The following KLRD1 variants were observed in gnomAD, a reference collection of about 807,000 sequenced individuals.
KLRD1 encodes the protein natural killer cells antigen CD94.
Under a neutral mutation model 22.6 loss-of-function variants are expected in KLRD1, and 21 were observed. That is an observed-to-expected ratio of 0.93 (90% CI 0.66 to 1.34). The LOEUF (loss-of-function observed/expected upper bound fraction) is 1.34. KLRD1 is among the 40% of genes most tolerant of loss of function. The pLI, the probability that KLRD1 is intolerant of heterozygous loss-of-function variation, is 0.00. For missense variants in KLRD1, 183 were observed against 208.6 expected (o/e 0.88, Z 0.76); for synonymous variants, 59 against 71.1 (o/e 0.83, Z 0.85).
chr12:10,265,461 A>T (rs914735275), intron 1 of KLRD1, among the ~76,000 whole-genome samples: 9 of 152,212 alleles, frequency 5.9e-5, no homozygotes, highest in Non-Finnish European at 1.2e-4. Context: ...ATCCATTAGA[A>T]TCTTAGGCCA....
rs1486642886 is a variant in KLRD1, at chr12:10,308,059, T to C, written c.-19T>C. ...ACACATCGTGCCTTCTCTACTTCGC[T>C]CTTGGAACATAATTTCTCATGGCAG... On this transcript the variant is annotated 5_prime_UTR_variant, in exon 1 of 6. Transcript: ENST00000336164. 3 of 1,610,870 alleles carry C rather than the reference T, an allele frequency of 1.9e-6. No individual in the cohort carries two copies. The highest frequency in any genetic ancestry group is 1.7e-5 in the Admixed American group (1 of 60,012).
At chr12:10,314,594 T>A in intron 5 of KLRD1, 79 bp from the exon 6 acceptor site, 2 of 1,329,272 alleles carry the variant, frequency 1.5e-6, no homozygotes, top group Non-Finnish European at 1.0e-6. Flanking sequence ...CTTTTAAAAT[T>A]TATATCATTT....
At position 10,329,283 on chromosome 12, in the gene KLRD1, AT is replaced by A. The variant is rs941853360; in HGVS notation, c.*14491del. On this transcript the variant is annotated 3_prime_UTR_variant, in exon 6 of 6. Transcript: ENST00000336164. ...TTCTTTGCAGATTGGTTGTTCAAAA[AT>A]GTATTGTTAAATTATCACATATTTA... The A allele has an allele frequency of 3.3e-5, 5 of 152,182 alleles. No homozygotes were observed. Among genetic ancestry groups the A allele is most frequent in the African/African-American group, 1.2e-4 (5 of 41,438 alleles). The allele number at this position is 152,182 out of a possible 1,614,324, so 9.4% of individuals were successfully genotyped here. A position where few individuals can be genotyped will look rare whatever the true frequency, so the allele number is the denominator to read the frequency against.
At chr12:10,297,386 G>C (rs1044439263) in intron 1 of KLRD1, among the ~76,000 whole-genome samples, 2 of 152,028 alleles carry the variant, frequency 1.3e-5, no homozygotes, top group African/African-American at 4.8e-5. Flanking sequence ...ACCTCTAGAA[G>C]ATAGTTAAAT....
At chr12:10,239,523 CTTT>C (rs1171011701) in intron 1 of KLRD1, among the ~76,000 whole-genome samples, 3 of 13,904 alleles carry the variant, frequency 2.2e-4, no homozygotes, top group African/African-American at 4.1e-4. Context: ...CCTCCCCTTT[CTTT>C]CTTTCTTTCT....
At chr12:10,279,019 G>A (rs1294011057) in intron 1 of KLRD1, among the ~76,000 whole-genome samples, 17 of 150,092 alleles carry the variant, frequency 1.1e-4, no homozygotes, top group African/African-American at 3.7e-4. Context: ...AGGTTTAGGG[G>A]GTACCTGTGG....
chr12:10,293,419 G>C (rs530567633), intron 1 of KLRD1, among the ~76,000 whole-genome samples: 2 of 151,612 alleles, frequency 1.3e-5, no homozygotes, highest in East Asian at 3.9e-4. Context: ...CCTAATTTCA[G>C]TGTTGTTGTG....
chr12:10,294,165 T>C (rs932080589), intron 1 of KLRD1, among the ~76,000 whole-genome samples: 4 of 152,230 alleles, frequency 2.6e-5, no homozygotes, highest in African/African-American at 9.6e-5. Flanking sequence ...GATTTCTCTA[T>C]ACAACGCACC....
intron 1 of KLRD1, among the ~76,000 whole-genome samples, chr12:10,253,225 G>C (rs1949361275): frequency 6.6e-6 from 1 of 151,994 alleles, no homozygotes; most frequent in South Asian, 2.1e-4. Flanking sequence ...TAAGTTCTTT[G>C]AATACTTTTT....
At chr12:10,282,135 A>G (rs1399546964) in intron 1 of KLRD1, among the ~76,000 whole-genome samples, 1 of 152,216 alleles carries the variant, frequency 6.6e-6, no homozygotes. Context: ...TTTTATAAAA[A>G]TATAAATATT....
At chr12:10,283,687 A>G (rs1354275793) in intron 1 of KLRD1, among the ~76,000 whole-genome samples, 2 of 151,984 alleles carry the variant, frequency 1.3e-5, no homozygotes, top group African/African-American at 4.8e-5. Context: ...CATTGACTCC[A>G]CCTACCTGGA....
intron 1 of KLRD1, among the ~76,000 whole-genome samples, chr12:10,242,656 C>A (rs1439159449): frequency 6.6e-6 from 1 of 152,178 alleles, no homozygotes; most frequent in Non-Finnish European, 1.5e-5. Context: ...ACAACTGCAA[C>A]CACAATGTGT....
intron 1 of KLRD1, among the ~76,000 whole-genome samples, chr12:10,293,806 GGT>G (rs1245486880): frequency 6.6e-6 from 1 of 152,172 alleles, no homozygotes; most frequent in Non-Finnish European, 1.5e-5. Flanking sequence ...AGTAAAATGA[GGT>G]GTGTGTGTAT....
At chr12:10,255,106 A>G (rs1949383191) in intron 1 of KLRD1, among the ~76,000 whole-genome samples, 1 of 132,386 alleles carries the variant, frequency 7.6e-6, no homozygotes, top group African/African-American at 2.8e-5. Context: ...GATGCTGGTG[A>G]GGATGCAGAG....
At chr12:10,249,488 CAA>C (rs1949324953) in intron 1 of KLRD1, among the ~76,000 whole-genome samples, 1 of 152,092 alleles carries the variant, frequency 6.6e-6, no homozygotes, top group Admixed American at 6.5e-5. Context: ...TCAACTGGAC[CAA>C]AGTTATAAAT....
chr12:10,239,577 T>TTC (rs1321814550), intron 1 of KLRD1, among the ~76,000 whole-genome samples: 1 of 143,986 alleles, frequency 6.9e-6, no homozygotes, highest in Non-Finnish European at 1.5e-5. Flanking sequence ...CTTTCTTTCT[T>TTC]TCTTTCTTTT....
chr12:10,283,765 C>A (rs372358761), intron 1 of KLRD1, among the ~76,000 whole-genome samples: 102 of 151,986 alleles, frequency 6.7e-4, no homozygotes, highest in African/African-American at 2.5e-3. Context: ...ACAAGCAGAA[C>A]AGGGGAAAAC....
chr12:10,302,767 C>T (rs78921783), upstream of KLRD1, among the ~76,000 whole-genome samples: 2,177 of 144,992 alleles, frequency 0.015, 47 homozygotes, highest in African/African-American at 0.054. Flanking sequence ...GTCTGAAAAA[C>T]ACCTCAAAAA....
chr12:10,261,759 G>A (rs1286593835), intron 1 of KLRD1, among the ~76,000 whole-genome samples: 3 of 152,082 alleles, frequency 2.0e-5, no homozygotes, highest in African/African-American at 4.8e-5. Flanking sequence ...CAGAAAAAAA[G>A]TATCATTCTC....
Sources: allele counts gnomAD v4.1 joint callset (sites outside exome capture counted in the v4.1 genomes callset), GRCh38; gene constraint gnomAD v4.1.1; transcripts MANE v1.5; gene names NCBI Gene and HGNC (gene_info 2026-07-23, HGNC 2026-07-21).